The following HIBCH variants were observed in gnomAD, a reference collection of about 807,000 sequenced individuals.
HIBCH encodes 3-hydroxyisobutyryl-CoA hydrolase.
A neutral mutation model predicts 58.2 loss-of-function variants in HIBCH; 50 were observed. The observed-to-expected ratio is 0.86, with a 90% confidence interval of 0.68 to 1.09. HIBCH has a LOEUF of 1.09. Ranked by LOEUF, HIBCH falls within the 50% of genes least tolerant of loss-of-function variation. HIBCH has a pLI of 0.00. For synonymous variants in HIBCH, 151 were observed against 146.9 expected (o/e 1.03, Z -0.20); for missense variants, 450 against 449.7 (o/e 1.00, Z -0.01).
intron 11 of HIBCH, chr2:190,220,248 C>T (rs1685679349): frequency 6.6e-6 from 1 of 152,164 alleles, no homozygotes; most frequent in African/African-American, 2.4e-5. Context: ...AGATACTTTT[C>T]AAGTTTATTG....
rs1341556327 is a variant in HIBCH, at chr2:190,215,536, G to A, written c.892-2461C>T. On this transcript the variant is annotated intron_variant, in intron 11 of 13. Transcript: ENST00000359678. The surrounding 1 kb of genome is among the most constrained non-coding windows in gnomAD (Gnocchi z 4.4). ...GGATTAAATCCAGAGGACCCAGTAG[G>A]GCAAGGCCTTTAATTTTAAAGGTTA... 2 of 152,120 alleles carry A rather than the reference G, an allele frequency of 1.3e-5. No homozygotes were observed. The highest frequency in any genetic ancestry group is 2.9e-5 in the Non-Finnish European group (2 of 68,030). 9.4% of individuals were successfully genotyped at this position (152,120 alleles called of 1,614,324 possible).
chr2:190,300,289 T>C (rs914007098), intron 2 of HIBCH, among the ~76,000 whole-genome samples: 4 of 152,232 alleles, frequency 2.6e-5, no homozygotes, highest in African/African-American at 9.6e-5. Flanking sequence ...CAACAGTGTA[T>C]ACACGTTCCC....
intron 11 of HIBCH, among the ~76,000 whole-genome samples, chr2:190,241,813 G>A (rs1226400373): frequency 6.6e-6 from 1 of 152,172 alleles, no homozygotes; most frequent in Admixed American, 6.5e-5. Flanking sequence ...TGGATTGTAT[G>A]GTTTCTACAC....
Position 190,294,039 on chromosome 2 carries a change from T to TATATAC in HIBCH, c.304+506_304+507insGTATAT, listed in dbSNP as rs764903062. On this transcript the variant is annotated intron_variant, in intron 4 of 13. Coordinates refer to ENST00000359678, the MANE Select transcript of HIBCH (RefSeq NM_014362.4). The stretch of plus-strand genomic sequence containing the variant: ...TTTTGTGTGTATATATATATATATA[T>TATATAC]ATATATATATATATAGCAACAGGAT... 8.1e-3 allele frequency among the ~76,000 whole-genome samples: 1,190 copies of TATATAC among 146,644 alleles called. 7 individuals are homozygous for TATATAC. The highest frequency in any genetic ancestry group is 0.022 in the Middle Eastern group (6 of 276).
intron 6 of HIBCH, chr2:190,280,783 CCA>C (rs1687686208): frequency 6.6e-6 from 1 of 152,194 alleles, no homozygotes; most frequent in Non-Finnish European, 1.5e-5. Flanking sequence ...CGGAACCACG[CCA>C]GTGTATAAAA....
intron 4 of HIBCH, among the ~76,000 whole-genome samples, chr2:190,292,618 T>C (rs1052518389): frequency 1.3e-5 from 2 of 152,340 alleles, no homozygotes; most frequent in South Asian, 4.1e-4. Context: ...GTCCTTTTAC[T>C]GGTTTTTAAA....
At position 190,246,202 on chromosome 2, in the gene HIBCH, T is replaced by C; in HGVS notation, c.761A>G (p.Asp254Gly). The part of the protein sequence containing the change: ...LENYHTESKI[D>G]RDKSFILEEH... ...CTCAAGTATAAAAGACTTGTCTCGA[T>C]CAATCTTAGACTGTTTGAAAAGAAA... The change falls in exon 10 of 14, where the codon GAT becomes GGT. Residue 254 changes from aspartate (D) to glycine (G), a missense_variant. By Grantham distance (94) the Asp-to-Gly change is moderately conservative. Transcript: ENST00000359678. 1.9e-6 allele frequency: 3 copies of C among 1,590,916 alleles called. No homozygotes were observed. Among genetic ancestry groups the C allele is most frequent in the Non-Finnish European group, 2.6e-6 (3 of 1,160,150 alleles).
intron 6 of HIBCH, among the ~76,000 whole-genome samples, chr2:190,268,648 TA>T (rs1687307467): frequency 6.6e-6 from 1 of 152,202 alleles, no homozygotes; most frequent in South Asian, 2.1e-4. Flanking sequence ...AAAGGACAAT[TA>T]AATCCATTCA....
intron 3 of HIBCH, among the ~76,000 whole-genome samples, chr2:190,295,170 A>C (rs1324644317): frequency 1.3e-5 from 2 of 152,220 alleles, no homozygotes; most frequent in African/African-American, 4.8e-5. Flanking sequence ...AGAGCCGATG[A>C]AAATGTGAAA....
At chr2:190,302,924 C>T (rs1450198002) in intron 2 of HIBCH, among the ~76,000 whole-genome samples, 1 of 152,194 alleles carries the variant, frequency 6.6e-6, no homozygotes, top group Non-Finnish European at 1.5e-5. Flanking sequence ...CAACAGTGTA[C>T]TCTATCAACA....
rs1690464024 is a variant in HIBCH, at chr2:190,209,307, C to T, written c.1012-394G>A. On this transcript the variant is annotated intron_variant, in intron 12 of 13. Transcript: ENST00000359678. The surrounding 1 kb of genome is among the most constrained non-coding windows in gnomAD (Gnocchi z 5.6). ...TAGCAAAATCCTGGCACCAACTAAA[C>T]CCTATCACGTACCCCTGCCTGCACT... Among the ~76,000 whole-genome samples the T allele has an allele frequency of 6.6e-6, 1 of 152,140 alleles. No individual in the cohort carries two copies. The highest frequency in any genetic ancestry group is 1.5e-5 in the Non-Finnish European group (1 of 68,022).
intron 1 of HIBCH, among the ~76,000 whole-genome samples, chr2:190,194,469 C>CCTGTGTA (rs1689870926): frequency 7.3e-6 from 1 of 137,156 alleles, no homozygotes; most frequent in African/African-American, 3.0e-5. Flanking sequence ...TCCCACGTAT[C>CCTGTGTA]CTGTGTATAC....
At chr2:190,265,496 T>C in intron 6 of HIBCH, among the ~76,000 whole-genome samples, 1 of 151,964 alleles carries the variant, frequency 6.6e-6, no homozygotes, top group Middle Eastern at 3.2e-3. Flanking sequence ...GGTAGAATTC[T>C]CTATATATCC....
At chr2:190,239,996 GGAT>G (rs1686404931) in intron 11 of HIBCH, among the ~76,000 whole-genome samples, 1 of 152,176 alleles carries the variant, frequency 6.6e-6, no homozygotes, top group African/African-American at 2.4e-5. Context: ...TTTGGTATCA[GGAT>G]GAGGCTGGCC....
At chr2:190,191,664 G>A (rs1299249742) in intron 1 of HIBCH, among the ~76,000 whole-genome samples, 1 of 152,196 alleles carries the variant, frequency 6.6e-6, no homozygotes, top group East Asian at 1.9e-4. Flanking sequence ...CATTCTAACA[G>A]CTACATAGTG....
rs537136261 is a variant in HIBCH at position 190,287,697 on chromosome 2, T to TA, written c.386-60dup. The TA allele has an allele frequency of 2.5e-3, 3,263 of 1,284,834 alleles. 19 individuals carry two copies. The highest frequency in any genetic ancestry group is 0.022 in the African/African-American group (1,435 of 66,716). The allele number at this position is 1,284,834 out of a possible 1,614,324, so 79.6% of individuals were successfully genotyped here. A position where few individuals can be genotyped will look rare whatever the true frequency, so the allele number is the denominator to read the frequency against. ...TGTTTAAAATACATTCCCTTTTTCT[T>TA]AAAAAAAAACCCACATTATATATAC... On this transcript the variant is annotated intron_variant, in intron 5 of 13. Transcript: ENST00000359678.
chr2:190,302,516 G>A (rs1277189436), intron 2 of HIBCH, among the ~76,000 whole-genome samples: 1 of 152,172 alleles, frequency 6.6e-6, no homozygotes. Context: ...TTATTAGGAA[G>A]GAATGCTGGT....
At chr2:190,237,995 T>C (rs1686332577) in intron 11 of HIBCH, among the ~76,000 whole-genome samples, 1 of 152,226 alleles carries the variant, frequency 6.6e-6, no homozygotes, top group Admixed American at 6.5e-5. Flanking sequence ...GCAAAGGACA[T>C]GAACTCATTC....
Position 190,206,325 on chromosome 2 carries a change from T to C in HIBCH, c.1046-1093A>G, listed in dbSNP as rs988123671. Among the ~76,000 whole-genome samples, 3 of 152,192 alleles carry C rather than the reference T, an allele frequency of 2.0e-5. No homozygotes were observed. The highest frequency in any genetic ancestry group is 1.9e-4 in the East Asian group (1 of 5,194). ...TGATCCCTACTATTTGAAAGTTTTA[T>C]ATTCCGTGGACAGTGTAAACAAAGA... On this transcript the variant is annotated intron_variant, in intron 13 of 13. Transcript: ENST00000359678. This position sits in a 1 kb window ranked among gnomAD's most constrained non-coding sequence, Gnocchi z 5.1.
Sources: allele counts gnomAD v4.1 joint callset (sites outside exome capture counted in the v4.1 genomes callset), GRCh38; gene constraint gnomAD v4.1.1; non-coding constraint Gnocchi (gnomAD v3.1); transcripts MANE v1.5; gene names NCBI Gene and HGNC (gene_info 2026-07-23, HGNC 2026-07-21).